The following UGT2B7 variants were observed in gnomAD, a reference collection of about 807,000 sequenced individuals.
UGT2B7 encodes the protein UDP-glucuronosyltransferase 2B7.
A neutral mutation model predicts 51.9 loss-of-function variants in UGT2B7; 51 were observed. That is an observed-to-expected ratio of 0.98 (90% CI 0.78 to 1.24). The LOEUF (loss-of-function observed/expected upper bound fraction) is 1.24. Ranked by LOEUF, UGT2B7 falls within the 50% of genes most tolerant of loss-of-function variation. UGT2B7 has a pLI of 0.00. For synonymous variants in UGT2B7, 225 were observed against 211.6 expected, an observed-to-expected ratio of 1.06 and a Z score of -0.55; for missense variants, 727 against 628.4, an observed-to-expected ratio of 1.16 and a Z score of -1.68.
chr4:69,061,615 T>C (rs978339953), intron 1 of UGT2B7, among the ~76,000 whole-genome samples: 4 of 152,168 alleles, frequency 2.6e-5, no homozygotes, highest in African/African-American at 9.7e-5. Flanking sequence ...ATACCTGAAA[T>C]CTTGGCCCCC....
At chr4:69,051,476 TG>T (rs1397543986) in exon 1 of UGT2B7, 2 of 152,468 alleles carry the variant, frequency 1.3e-5, no homozygotes, top group African/African-American at 4.8e-5. Context: ...AGAGCCCTCC[TG>T]GGTAGGAAAT....
At chr4:69,059,457 C>T (rs900738265) in intron 1 of UGT2B7, among the ~76,000 whole-genome samples, 1 of 152,148 alleles carries the variant, frequency 6.6e-6, no homozygotes, top group Non-Finnish European at 1.5e-5. Context: ...ATCTACCTCA[C>T]CCGGAGGCTA....
chr4:69,065,574 T>G (rs923240809), intron 1 of UGT2B7, among the ~76,000 whole-genome samples: 3 of 152,238 alleles, frequency 2.0e-5, no homozygotes, highest in Admixed American at 2.0e-4. Flanking sequence ...AAAATATCAC[T>G]TAAAATTTTT....
At chr4:69,062,859 T>C (rs558679048) in intron 1 of UGT2B7, among the ~76,000 whole-genome samples, 21 of 152,186 alleles carry the variant, frequency 1.4e-4, no homozygotes, top group Non-Finnish European at 2.5e-4. Context: ...AGTAATCTTC[T>C]TTGTATTATT....
In UGT2B7 at chr4:69,078,421, T is replaced by C. The variant is rs1348686814; in HGVS notation, c.-158-11051T>C. On this transcript the variant is annotated intron_variant, in intron 1 of 5. Coordinates refer to the UGT2B7 transcript ENST00000502942. Reference sequence around the variant, plus strand: ...GGTAGAATTCAGCTGTGAATCCATCTGGTCCTGGACTTTTTTTGGTTGGTA... The same window carrying C: ...GGTAGAATTCAGCTGTGAATCCATCCGGTCCTGGACTTTTTTTGGTTGGTA... 2.0e-5 allele frequency among the ~76,000 whole-genome samples: 3 copies of C among 152,204 alleles called. No homozygotes were observed. The East Asian group carries it at 5.8e-4, about 29-fold the overall frequency.
At chr4:69,105,769 G>A (rs1016147671) in intron 3 of UGT2B7, among the ~76,000 whole-genome samples, 9 of 152,208 alleles carry the variant, frequency 5.9e-5, no homozygotes, top group Admixed American at 5.2e-4. Context: ...TTCCAATGAA[G>A]TTATACATAA....
chr4:69,056,997 T>C (rs746099007), intron 1 of UGT2B7, among the ~76,000 whole-genome samples: 2 of 152,214 alleles, frequency 1.3e-5, no homozygotes, highest in African/African-American at 2.4e-5. Flanking sequence ...CCTGCCTGGC[T>C]TAAACCTAGT....
chr4:69,093,508 T>G (rs1304798940), upstream of UGT2B7, among the ~76,000 whole-genome samples: 2 of 152,200 alleles, frequency 1.3e-5, no homozygotes, highest in African/African-American at 4.8e-5. Flanking sequence ...GCCTCCCACT[T>G]TGCAATTCTA....
At chr4:69,080,871 T>A (rs1352194175) in intron 1 of UGT2B7, among the ~76,000 whole-genome samples, 1 of 152,164 alleles carries the variant, frequency 6.6e-6, no homozygotes, top group East Asian at 1.9e-4. Context: ...AGGAACTACA[T>A]CACATTCTCT....
chr4:69,103,668 T>G (rs1240779323), intron 3 of UGT2B7, among the ~76,000 whole-genome samples: 1 of 152,180 alleles, frequency 6.6e-6, no homozygotes, highest in Non-Finnish European at 1.5e-5. Context: ...CAAAACAGTT[T>G]TCCTAATCTC....
intron 3 of UGT2B7, among the ~76,000 whole-genome samples, chr4:69,106,752 G>C (rs1719612385): frequency 6.6e-6 from 1 of 151,870 alleles, no homozygotes. Flanking sequence ...TACCTCACCA[G>C]TATCATGATA....
At chr4:69,105,082 G>C (rs1304191562) in intron 3 of UGT2B7, among the ~76,000 whole-genome samples, 1 of 152,128 alleles carries the variant, frequency 6.6e-6, no homozygotes, top group Non-Finnish European at 1.5e-5. Context: ...AGATGAAAGG[G>C]TGGAGATGGA....
At chr4:69,081,330 A>G (rs957862264) in intron 1 of UGT2B7, among the ~76,000 whole-genome samples, 1 of 148,808 alleles carries the variant, frequency 6.7e-6, no homozygotes, top group African/African-American at 2.5e-5. Flanking sequence ...CTATAATCTC[A>G]TACTTGGTTT....
intron 3 of UGT2B7, among the ~76,000 whole-genome samples, chr4:69,104,793 C>T (rs1719543914): frequency 6.6e-6 from 1 of 152,136 alleles, no homozygotes; most frequent in South Asian, 2.1e-4. Context: ...GAAAAAGTTA[C>T]ATTTTAATGG....
intron 1 of UGT2B7, among the ~76,000 whole-genome samples, chr4:69,063,686 T>G (rs947725952): frequency 6.6e-6 from 1 of 152,190 alleles, no homozygotes; most frequent in African/African-American, 2.4e-5. Context: ...AGATAGCTCA[T>G]GTCCCAGTTC....
chr4:69,108,421 G>A, intron 5 of UGT2B7, 99 bp downstream of exon 5: 1 of 1,358,754 alleles, frequency 7.4e-7, no homozygotes. Context: ...GACTAATTTT[G>A]AAAGAATTTA....
intron 1 of UGT2B7, among the ~76,000 whole-genome samples, chr4:69,074,847 C>T (rs1577912291): frequency 6.6e-6 from 1 of 152,012 alleles, no homozygotes; most frequent in Non-Finnish European, 1.5e-5. Flanking sequence ...GACATTCTTC[C>T]TTCATTTTAT....
At chr4:69,070,534 A>T (rs953754727) in intron 1 of UGT2B7, among the ~76,000 whole-genome samples, 8 of 152,004 alleles carry the variant, frequency 5.3e-5, no homozygotes, top group African/African-American at 1.9e-4. Context: ...CTACAGTATG[A>T]ACTGAGCTCA....
intron 2 of UGT2B7, among the ~76,000 whole-genome samples, chr4:69,099,956 G>A (rs1461161571): frequency 6.6e-6 from 1 of 151,980 alleles, no homozygotes; most frequent in East Asian, 1.9e-4. Context: ...TCTACCATAG[G>A]TAATAAGGAT....
Sources: allele counts gnomAD v4.1 joint callset (sites outside exome capture counted in the v4.1 genomes callset), GRCh38; gene constraint gnomAD v4.1.1; transcripts MANE v1.5; gene names NCBI Gene and HGNC (gene_info 2026-07-23, HGNC 2026-07-21).